C14orf132: variants seen among roughly 807,000 people sequenced by gnomAD.
The protein encoded by C14orf132 is uncharacterized protein C14orf132.
C14orf132 carries 6 observed loss-of-function variants against 5.8 expected under a neutral mutation model. The ratio of observed to expected loss-of-function variants is 1.03; its 90% CI spans 0.57 to 2.04. C14orf132 has a LOEUF of 2.04. Ranked by LOEUF, C14orf132 falls within the 30% of genes most tolerant of loss-of-function variation. C14orf132 has a pLI of 0.00. For synonymous variants in C14orf132, 51 were observed against 49.8 expected (o/e 1.02, Z -0.10); for missense variants, 125 against 115.8 (o/e 1.08, Z -0.37).
intron 1 of C14orf132, among the ~76,000 whole-genome samples, chr14:96,053,799 C>T (rs1427474304): frequency 6.6e-6 from 1 of 151,978 alleles, no homozygotes; most frequent in Non-Finnish European, 1.5e-5. Context: ...GAGGAGGTAC[C>T]AAAAAAAGGA....
chr14:96,092,518 G>A lies in C14orf132; in HGVS notation c.*5783G>A, dbSNP rs1402611527. On this transcript the variant is annotated 3_prime_UTR_variant, in exon 2 of 2. Transcript: ENST00000555004. ...GCTGAGCAACACCCCTGTGTCCCCT[G>A]TATCTGTCTCACTGGCTGTCTTTCT... is the stretch of plus-strand genomic sequence containing the variant. 6.6e-6 allele frequency: 1 copy of A among 152,192 alleles called. No homozygotes were observed. Among genetic ancestry groups the A allele is most frequent in the Non-Finnish European group, 1.5e-5 (1 of 68,038 alleles). 9.4% of individuals were successfully genotyped at this position (152,192 alleles called of 1,614,324 possible).
intron 1 of C14orf132, among the ~76,000 whole-genome samples, chr14:96,071,674 C>T (rs7144956): frequency 0.5 from 75,383 of 152,072 alleles, 19,013 homozygotes; most frequent in East Asian, 0.62. Context: ...TGGACCTAGC[C>T]TGTTGCCACC....
At chr14:96,079,904 A>G (rs1041666175) in intron 1 of C14orf132, among the ~76,000 whole-genome samples, 11 of 152,246 alleles carry the variant, frequency 7.2e-5, no homozygotes, top group African/African-American at 2.7e-4. Flanking sequence ...CAAATAAAAG[A>G]TGCACAGTTA....
intron 1 of C14orf132, among the ~76,000 whole-genome samples, chr14:96,050,241 G>A (rs944749259): frequency 6.6e-6 from 1 of 152,106 alleles, no homozygotes; most frequent in Non-Finnish European, 1.5e-5. Flanking sequence ...TTTGTTCTGG[G>A]ATGCAGTTCA....
At chr14:96,060,600 C>T (rs979679318) in intron 1 of C14orf132, among the ~76,000 whole-genome samples, 71 of 152,146 alleles carry the variant, frequency 4.7e-4, no homozygotes, top group Non-Finnish European at 6.2e-4. Flanking sequence ...TAGTGTCCTT[C>T]CCCACTCTGT....
chr14:96,045,477 C>A (rs1224054036), intron 1 of C14orf132, among the ~76,000 whole-genome samples: 1 of 152,044 alleles, frequency 6.6e-6, no homozygotes, highest in Non-Finnish European at 1.5e-5. Context: ...GTCCAGGGAG[C>A]CCGAAACCAG....
intron 1 of C14orf132, among the ~76,000 whole-genome samples, chr14:96,069,089 C>T (rs1476520426): frequency 1.3e-5 from 2 of 151,230 alleles, no homozygotes; most frequent in African/African-American, 4.9e-5. Context: ...TTCCCTGAGT[C>T]TCCAGCTTGC....
intron 1 of C14orf132, among the ~76,000 whole-genome samples, chr14:96,078,025 C>T (rs1887927914): frequency 6.6e-6 from 1 of 152,248 alleles, no homozygotes; most frequent in South Asian, 2.1e-4. Context: ...CTCCCATGGG[C>T]CTTTCTGTGT....
Position 96,039,397 on chromosome 14 carries a change from T to A in C14orf132, c.-104T>A. ...AGACAGCCGAGTGCGCCGTGCGGTC[T>A]CCGGACGCTCGCTGCTCAGCCCGAT... On this transcript the variant is annotated 5_prime_UTR_variant, in exon 1 of 2. Transcript: ENST00000555004. The surrounding 1 kb of genome is among the most constrained non-coding windows in gnomAD (Gnocchi z 5.3). 8.2e-7 allele frequency: 1 copy of A among 1,219,082 alleles called. No individual in the cohort carries two copies. Among genetic ancestry groups the A allele is most frequent in the Non-Finnish European group, 1.1e-6 (1 of 927,262 alleles). The allele number at this position is 1,219,082 out of a possible 1,614,324, so 75.5% of individuals were successfully genotyped here. A position where few individuals can be genotyped will look rare whatever the true frequency, so the allele number is the denominator to read the frequency against.
chr14:96,075,389 A>C (rs6575568), intron 1 of C14orf132, among the ~76,000 whole-genome samples: 32,052 of 152,052 alleles, frequency 0.21, 3,849 homozygotes, highest in Non-Finnish European at 0.27. Context: ...AGGCATCTCT[A>C]TATATATATG....
chr14:96,059,636 T>TG (rs944299559), intron 1 of C14orf132, among the ~76,000 whole-genome samples: 2 of 152,180 alleles, frequency 1.3e-5, no homozygotes, highest in African/African-American at 4.8e-5. Flanking sequence ...TAGTGTCTGC[T>TG]GGGGGGGCCC....
At chr14:96,069,506 C>A (rs753890512) in intron 1 of C14orf132, among the ~76,000 whole-genome samples, 45 of 152,190 alleles carry the variant, frequency 3.0e-4, no homozygotes, top group Non-Finnish European at 6.3e-4. Flanking sequence ...ACCTCCACCT[C>A]CCTGTGAGGC....
chr14:96,079,775 G>A (rs909371971), intron 1 of C14orf132, among the ~76,000 whole-genome samples: 56 of 152,290 alleles, frequency 3.7e-4, no homozygotes, highest in African/African-American at 1.3e-3. Context: ...GTCCCCCAGA[G>A]AGCCTGGGCC....
At chr14:96,065,939 A>C (rs1406741122) in intron 1 of C14orf132, among the ~76,000 whole-genome samples, 2 of 152,058 alleles carry the variant, frequency 1.3e-5, no homozygotes, top group Non-Finnish European at 2.9e-5. Context: ...CCAAGGGAAA[A>C]TTTTTAAACT....
chr14:96,044,151 G>C (rs1043844259), intron 1 of C14orf132, among the ~76,000 whole-genome samples: 2 of 152,148 alleles, frequency 1.3e-5, no homozygotes, highest in Admixed American at 6.5e-5. Context: ...GGTTGTGTTT[G>C]TGTACATTTT....
intron 1 of C14orf132, among the ~76,000 whole-genome samples, chr14:96,085,605 C>A (rs1161202603): frequency 6.6e-6 from 1 of 152,174 alleles, no homozygotes; most frequent in East Asian, 1.9e-4. Flanking sequence ...GCGGCGTGGG[C>A]GGTGGGAATT....
chr14:96,073,896 ATGGAGC>A (rs1362387329), intron 1 of C14orf132, among the ~76,000 whole-genome samples: 3 of 152,234 alleles, frequency 2.0e-5, no homozygotes, highest in Admixed American at 6.5e-5. Flanking sequence ...AGGGACATGG[ATGGAGC>A]TGGAAGCTGT....
At chr14:96,041,897 A>G (rs1394709021) in intron 1 of C14orf132, among the ~76,000 whole-genome samples, 1 of 152,216 alleles carries the variant, frequency 6.6e-6, no homozygotes, top group Non-Finnish European at 1.5e-5. Flanking sequence ...TCAAGAAATG[A>G]TGGGCCCGGC....
rs560052244 is a variant in C14orf132 at position 96,091,594 on chromosome 14, G to C, written c.*4859G>C. On this transcript the variant is annotated 3_prime_UTR_variant, in exon 2 of 2. Coordinates refer to ENST00000555004, the MANE Select transcript of C14orf132 (RefSeq NM_001252507.3). The stretch of plus-strand genomic sequence containing the variant: ...CCCGCTTTGCTTCGTCCTGGCAGAT[G>C]CCCAGTGATTGTCCCCGAGCAAGTG... 44 of 155,022 alleles carry C rather than the reference G, an allele frequency of 2.8e-4. No individual in the cohort carries two copies. Among genetic ancestry groups the C allele is most frequent in the African/African-American group, 1.0e-3 (42 of 41,608 alleles). 9.6% of individuals were successfully genotyped at this position (155,022 alleles called of 1,614,324 possible).
Sources: allele counts gnomAD v4.1 joint callset (sites outside exome capture counted in the v4.1 genomes callset), GRCh38; gene constraint gnomAD v4.1.1; non-coding constraint Gnocchi (gnomAD v3.1); transcripts MANE v1.5; gene names NCBI Gene and HGNC (gene_info 2026-07-23, HGNC 2026-07-21).